Variants in TTLL11 observed in about 807,000 individuals in gnomAD.
TTLL11 encodes tubulin tyrosine ligase like 11, also known as tubulin polyglutamylase TTLL11.
In TTLL11, 42 loss-of-function variants were observed where a neutral mutation model predicts 51.7. The observed-to-expected ratio is 0.81, with a 90% CI of 0.64 to 1.05. The LOEUF is 1.05. TTLL11 is among the 50% of genes least tolerant of loss of function. TTLL11 has a pLI of 0.00. For missense variants in TTLL11, 799 were observed against 940.4 expected, an observed-to-expected ratio of 0.85 and a Z score of 1.97; for synonymous variants, 381 against 383.5, an observed-to-expected ratio of 0.99 and a Z score of 0.08.
intron 3 of TTLL11, among the ~76,000 whole-genome samples, chr9:122,026,575 A>C (rs575808936): frequency 1.3e-5 from 2 of 152,288 alleles, no homozygotes; most frequent in African/African-American, 4.8e-5. Context: ...AATGTATAAA[A>C]CTGTACATTC....
intron 6 of TTLL11, among the ~76,000 whole-genome samples, chr9:121,957,534 C>A (rs182701696): frequency 6.6e-6 from 1 of 152,290 alleles, no homozygotes; most frequent in East Asian, 1.9e-4. Flanking sequence ...TGTGCTTATA[C>A]CCTGGCAAGT....
Position 122,002,715 on chromosome 9 carries a change from G to A in TTLL11, c.694-12945C>T, listed in dbSNP as rs539360071. On this transcript the variant is annotated intron_variant, in intron 3 of 8. Transcript: ENST00000321582. ...TAATCCCAGCACTTTGGGAGGCTGA[G>A]GCAGGCGGATCACGAGGTCAAGAGA... 2.6e-5 allele frequency among the ~76,000 whole-genome samples: 4 copies of A among 152,188 alleles called. No homozygotes were observed. In the East Asian group the frequency reaches 7.8e-4, roughly 30 times the overall value.
chr9:121,923,935 G>A (rs1256283281), intron 6 of TTLL11, among the ~76,000 whole-genome samples: 1 of 152,140 alleles, frequency 6.6e-6, no homozygotes, highest in Non-Finnish European at 1.5e-5. Flanking sequence ...GGGACCCAGT[G>A]GGAGATAATT....
chr9:121,829,275 T>A (rs1221794746), intron 8 of TTLL11, among the ~76,000 whole-genome samples: 1 of 152,016 alleles, frequency 6.6e-6, no homozygotes, highest in Non-Finnish European at 1.5e-5. Flanking sequence ...TTCAAAAAAA[T>A]TTTTAAAAAG....
chr9:122,044,731 T>C (rs1004478245), intron 1 of TTLL11, among the ~76,000 whole-genome samples: 3 of 152,192 alleles, frequency 2.0e-5, no homozygotes, highest in Admixed American at 1.3e-4. Context: ...AATGAGCATA[T>C]GAAAAGATAT....
intron 6 of TTLL11, among the ~76,000 whole-genome samples, chr9:121,968,972 C>A (rs984378246): frequency 2.6e-5 from 4 of 152,012 alleles, no homozygotes; most frequent in Admixed American, 2.6e-4. Context: ...CAGGTTCAAG[C>A]GATTCTCCTG....
intron 1 of TTLL11, among the ~76,000 whole-genome samples, chr9:122,045,292 C>T (rs1036841442): frequency 6.6e-6 from 1 of 152,134 alleles, no homozygotes; most frequent in East Asian, 1.9e-4. Flanking sequence ...GTTCCTCACC[C>T]CTGTAATCCC....
intron 6 of TTLL11, among the ~76,000 whole-genome samples, chr9:121,951,616 C>T (rs773619065): frequency 1.3e-5 from 2 of 152,114 alleles, no homozygotes; most frequent in African/African-American, 2.4e-5. Flanking sequence ...CTCTATTTTA[C>T]AGGCAAGGTT....
At chr9:122,056,031 G>C (rs1267862964) in intron 1 of TTLL11, among the ~76,000 whole-genome samples, 1 of 152,192 alleles carries the variant, frequency 6.6e-6, no homozygotes, top group African/African-American at 2.4e-5. Context: ...GCCATATGCA[G>C]GATATCCCCC....
intron 6 of TTLL11, among the ~76,000 whole-genome samples, chr9:121,956,210 T>G (rs1194634247): frequency 6.6e-6 from 1 of 152,124 alleles, no homozygotes; most frequent in Admixed American, 6.5e-5. Flanking sequence ...AAAATGCACC[T>G]AGGACTTTGC....
intron 3 of TTLL11, among the ~76,000 whole-genome samples, chr9:122,001,826 T>C (rs1443178999): frequency 1.3e-5 from 2 of 152,162 alleles, no homozygotes; most frequent in African/African-American, 4.8e-5. Context: ...ATTTACACCA[T>C]GAGAGTGAGA....
rs1320265161 is a variant in TTLL11 at position 121,989,575 on chromosome 9, CA to C, written c.888del (p.Phe296LeufsTer12). ...CKPLLIDKLKFDIRLYVLLKS... is the reference protein window; with the variant it reads ...CKPLLIDKLKXDIRLYVLLKS... The stretch of plus-strand genomic sequence containing the variant: ...TTGAGTAAGACATACAGACGAATAT[CA>C]AACTTGAGCTTGTCGATAAGGAGAG... On this transcript the variant is annotated frameshift_variant, in exon 4 of 9. Transcript: ENST00000321582. LOFTEE classifies it high-confidence loss of function. The surrounding 1 kb of genome is among the most constrained non-coding windows in gnomAD (Gnocchi z 4.2). 3 of 1,614,052 alleles carry C rather than the reference CA, an allele frequency of 1.9e-6. No individual in the cohort carries two copies. Among genetic ancestry groups the C allele is most frequent in the Non-Finnish European group, 2.5e-6 (3 of 1,180,020 alleles).
chr9:122,004,993 T>C (rs1018569948), intron 3 of TTLL11, among the ~76,000 whole-genome samples: 8 of 152,298 alleles, frequency 5.3e-5, no homozygotes, highest in South Asian at 2.1e-4. Context: ...AGGGTTCTCA[T>C]AGGGGCTATA....
intron 6 of TTLL11, among the ~76,000 whole-genome samples, chr9:121,874,668 T>G (rs1430692668): frequency 6.6e-6 from 1 of 152,170 alleles, no homozygotes; most frequent in African/African-American, 2.4e-5. Flanking sequence ...CCCCCTCAGT[T>G]AGAGATCTAG....
chr9:121,908,450 C>T (rs768587642), intron 6 of TTLL11, among the ~76,000 whole-genome samples: 27 of 152,212 alleles, frequency 1.8e-4, no homozygotes, highest in Middle Eastern at 3.2e-3. Flanking sequence ...AGGCTGCCAG[C>T]CTGGTCACCA....
intron 6 of TTLL11, among the ~76,000 whole-genome samples, chr9:121,955,868 G>C (rs1027107197): frequency 6.6e-6 from 1 of 152,190 alleles, no homozygotes; most frequent in African/African-American, 2.4e-5. Flanking sequence ...CACAGCCTCA[G>C]GGTAATCAGA....
chr9:121,874,570 A>G (rs1838493253), intron 6 of TTLL11, among the ~76,000 whole-genome samples: 1 of 152,130 alleles, frequency 6.6e-6, no homozygotes, highest in South Asian at 2.1e-4. Flanking sequence ...TTTATACCCT[A>G]CATTGTAAGT....
intron 1 of TTLL11, among the ~76,000 whole-genome samples, chr9:122,074,454 G>A (rs529612115): frequency 6.6e-6 from 1 of 152,168 alleles, no homozygotes; most frequent in African/African-American, 2.4e-5. Flanking sequence ...ATTTAAACTG[G>A]GAATTGAGAA....
intron 3 of TTLL11, among the ~76,000 whole-genome samples, chr9:121,999,302 A>G (rs1263670129): frequency 6.6e-6 from 1 of 152,140 alleles, no homozygotes; most frequent in Admixed American, 6.5e-5. Flanking sequence ...CTATCTCTGG[A>G]GCGTACCTCT....
Sources: gnomAD v4.1 joint callset for allele counts (sites outside exome capture counted in the v4.1 genomes callset) on GRCh38, gnomAD v4.1.1 for gene constraint, Gnocchi (gnomAD v3.1) non-coding constraint, MANE v1.5 for transcripts, NCBI Gene and HGNC (gene_info 2026-07-23, HGNC 2026-07-21) for gene names.